The following VDR variants were observed in gnomAD, a reference collection of about 807,000 sequenced individuals.
The protein encoded by VDR is vitamin D receptor.
In VDR, 19 loss-of-function variants were observed where a neutral mutation model predicts 39.7. The observed-to-expected ratio is 0.48, with a 90% CI of 0.33 to 0.70. VDR has a LOEUF of 0.70. VDR is among the 30% of genes least tolerant of loss of function. The probability of loss-of-function intolerance (pLI) is 0.02; values close to 1 mark genes in which losing one functional copy is unlikely to be tolerated. For missense variants in VDR, 442 were observed against 570.5 expected (o/e 0.77, Z 2.29); for synonymous variants, 242 against 215.8 (o/e 1.12, Z -1.07).
At chr12:47,845,916 A>G (rs1163873195) in intron 9 of VDR, among the ~76,000 whole-genome samples, 5 of 152,286 alleles carry the variant, frequency 3.3e-5, no homozygotes, top group Non-Finnish European at 7.3e-5. Flanking sequence ...CATTGCCTCC[A>G]AAATCAATCA....
In VDR at chr12:47,844,906, C is replaced by T. The variant is rs1338135647; in HGVS notation, c.1124G>A (p.Gly375Asp). The T allele has an allele frequency of 1.5e-5, 25 of 1,614,018 alleles. No individual in the cohort carries two copies. The highest frequency in any genetic ancestry group is 2.0e-5 in the Non-Finnish European group (24 of 1,180,010). The change falls in exon 10 of 10, where the codon GGC becomes GAC. Residue 375 changes from glycine to aspartate, a missense_variant. By Grantham distance (94) the Gly-to-Asp change is moderately conservative. Transcript: ENST00000549336. The stretch of plus-strand genomic sequence containing the variant: ...CATCTTGGCATAGAGCAGGTGGCTG[C>T]CCGGGGGCGGGTGGCGGCAGCGGAT... ...TYIRCRHPPP[G>D]SHLLYAKMIQ... is the part of the protein sequence containing the mutation.
chr12:47,869,363 C>A (rs1945803208), intron 3 of VDR, among the ~76,000 whole-genome samples: 2 of 151,722 alleles, frequency 1.3e-5, no homozygotes, highest in Admixed American at 1.3e-4. Context: ...GGTGAAACCC[C>A]ATCTCTACTA....
chr12:47,875,018 T>G (rs2137192175), intron 3 of VDR, among the ~76,000 whole-genome samples: 1 of 152,302 alleles, frequency 6.6e-6, no homozygotes, highest in East Asian at 1.9e-4. Context: ...ATATCATCTT[T>G]CTCTGAGGAT....
chr12:47,883,033 C>G (rs1449629470), intron 1 of VDR: 1 of 434,956 alleles, frequency 2.3e-6, no homozygotes, highest in Non-Finnish European at 4.1e-6. Context: ...TGGCGGCAAC[C>G]AGCCCCAGGC....
In VDR at chr12:47,879,406, A is replaced by C. The variant is rs572005959; in HGVS notation, c.-2-291T>G. 5.3e-5 allele frequency among the ~76,000 whole-genome samples: 8 copies of C among 152,308 alleles called. No individual in the cohort carries two copies. In the South Asian group the frequency reaches 1.7e-3, roughly 32 times the overall value. On this transcript the variant is annotated intron_variant, in intron 2 of 9. Coordinates refer to ENST00000549336, the MANE Select transcript of VDR (RefSeq NM_000376.3). ...TTTGGGTTTAGTGGTTCACCTCTGC[A>C]TGCCCCCGCTGTCTGCATTGGAAGA...
intron 1 of VDR, chr12:47,904,601 A>G (rs1051178772): frequency 8.5e-6 from 13 of 1,535,844 alleles, no homozygotes; most frequent in Non-Finnish European, 1.1e-5. Flanking sequence ...TCGACAGCCA[A>G]TCGCTCCTTT....
Position 47,857,687 on chromosome 12 carries a change from G to T in VDR, c.279C>A (p.Phe93Leu). The T allele has an allele frequency of 6.2e-7, 1 of 1,612,904 alleles. No homozygotes were observed. Among genetic ancestry groups the T allele is most frequent in the South Asian group, 1.1e-5 (1 of 91,050 alleles). ...RCVDIGMMKE[F>L]ILTDEEVQRK... ...TCTGCACTTCCTCATCTGTCAGAATGACTGTGGGGTGGGAAGGGGAGTCAG... is the reference window on the plus strand; with the variant it reads ...TCTGCACTTCCTCATCTGTCAGAATTACTGTGGGGTGGGAAGGGGAGTCAG... Residue 93 changes from phenylalanine to leucine, a missense_variant and splice_region_variant, in exon 5 of 10, where the codon TTC (phenylalanine) becomes TTA (leucine). Physicochemically the swap from Phe to Leu is conservative, Grantham distance 22. Coordinates refer to ENST00000549336, the MANE Select transcript of VDR (RefSeq NM_000376.3).
At chr12:47,861,197 T>A (rs1406511788) in intron 4 of VDR, among the ~76,000 whole-genome samples, 1 of 152,292 alleles carries the variant, frequency 6.6e-6, no homozygotes. Context: ...CCATGGAGTT[T>A]TGACAGGCAT....
rs1485094499 is a variant in VDR at position 47,841,611 on chromosome 12, A to G, written c.*3135T>C. 9 of 152,382 alleles carry G rather than the reference A, an allele frequency of 5.9e-5. No homozygotes were observed. Among genetic ancestry groups the G allele is most frequent in the Non-Finnish European group, 1.3e-4 (9 of 68,038 alleles). The allele number at this position is 152,382 out of a possible 1,614,324, so 9.4% of individuals were successfully genotyped here. Reference sequence around the variant, plus strand: ...TGCTATATAAGTATGAGCCATTTTTATTACCATAAGCAAAGCTTTCTACAT... The same window carrying G: ...TGCTATATAAGTATGAGCCATTTTTGTTACCATAAGCAAAGCTTTCTACAT... On this transcript the variant is annotated 3_prime_UTR_variant, in exon 10 of 10. Transcript: ENST00000549336.
chr12:47,902,924 AG>A lies in VDR; in HGVS notation c.-84+2030del, dbSNP rs370844087. Among the ~76,000 whole-genome samples, 37 of 152,298 alleles carry A rather than the reference AG, an allele frequency of 2.4e-4. No homozygotes were observed. In the East Asian group the frequency reaches 4.4e-3, roughly 18 times the overall value. ...GCTATCTGTTCTGGGGGTAGAGTGTAGGGGTTCAGGAGGTCCTCTCGGAGCT... is the reference window on the plus strand; with the variant it reads ...GCTATCTGTTCTGGGGGTAGAGTGTAGGGTTCAGGAGGTCCTCTCGGAGCT... On this transcript the variant is annotated intron_variant, in intron 1 of 9. Coordinates refer to ENST00000549336, the MANE Select transcript of VDR (RefSeq NM_000376.3).
chr12:47,855,021 C>T (rs973352783), intron 7 of VDR, among the ~76,000 whole-genome samples: 7 of 151,990 alleles, frequency 4.6e-5, no homozygotes, highest in African/African-American at 1.2e-4. Flanking sequence ...GGCGAAACTC[C>T]GTCTCTACTA....
chr12:47,901,722 G>C (rs1371623237), intron 1 of VDR, among the ~76,000 whole-genome samples: 1 of 152,226 alleles, frequency 6.6e-6, no homozygotes, highest in Non-Finnish European at 1.5e-5. Context: ...TGTAGATATG[G>C]AGGAAGAGGG....
intron 3 of VDR, among the ~76,000 whole-genome samples, chr12:47,869,975 T>C (rs961364979): frequency 6.6e-6 from 1 of 152,154 alleles, no homozygotes; most frequent in Non-Finnish European, 1.5e-5. Flanking sequence ...AGAGTTGTCA[T>C]ATGAAGCCCG....
intron 1 of VDR, among the ~76,000 whole-genome samples, chr12:47,897,744 A>G (rs1207661843): frequency 2.6e-5 from 4 of 152,136 alleles, no homozygotes; most frequent in African/African-American, 9.7e-5. Flanking sequence ...CCAATCCTCC[A>G]GCTACCCCTT....
intron 3 of VDR, among the ~76,000 whole-genome samples, chr12:47,869,256 G>T (rs11168269): frequency 6.6e-6 from 1 of 152,226 alleles, no homozygotes; most frequent in Non-Finnish European, 1.5e-5. Flanking sequence ...GGAAGAGAAG[G>T]CCGGGCGCGG....
chr12:47,874,477 C>T (rs946296988), intron 3 of VDR, among the ~76,000 whole-genome samples: 1 of 152,190 alleles, frequency 6.6e-6, no homozygotes, highest in Admixed American at 6.5e-5. Flanking sequence ...CAGAACATTC[C>T]TCATCTTCCT....
intron 4 of VDR, among the ~76,000 whole-genome samples, chr12:47,864,493 C>T (rs1945688381): frequency 6.6e-6 from 1 of 152,208 alleles, no homozygotes; most frequent in South Asian, 2.1e-4. Context: ...CTGGCACAAG[C>T]CCTCAGATCT....
At chr12:47,865,329 G>T in intron 3 of VDR, 152 bp from the exon 4 acceptor site, 1 of 1,138,164 alleles carries the variant, frequency 8.8e-7, no homozygotes, top group Non-Finnish European at 1.3e-6. Context: ...CTCACCTCTA[G>T]GCTGGGCACC....
intron 7 of VDR, among the ~76,000 whole-genome samples, 155 bp downstream of exon 7, chr12:47,855,475 G>A (rs554080001): frequency 2.0e-5 from 3 of 152,216 alleles, no homozygotes; most frequent in South Asian, 2.1e-4. Flanking sequence ...AGCCGAGATC[G>A]CGCCACTGCA....
Sources: allele counts gnomAD v4.1 joint callset (sites outside exome capture counted in the v4.1 genomes callset), GRCh38; gene constraint gnomAD v4.1.1; transcripts MANE v1.5; gene names NCBI Gene and HGNC (gene_info 2026-07-23, HGNC 2026-07-21).